Variants in DMD observed in about 807,000 individuals in gnomAD.
DMD encodes the protein mutant dystrophin.
Under a neutral mutation model 330.1 loss-of-function variants are expected in DMD, and 63 were observed. That is an observed-to-expected ratio of 0.19 (90% CI 0.16 to 0.24). DMD has a LOEUF of 0.24. DMD is among the 10% of genes least tolerant of loss of function. DMD has a pLI of 1.00. For missense variants in DMD, 3,344 were observed against 2,684.1 expected, an observed-to-expected ratio of 1.25 and a Z score of -5.43; for synonymous variants, 1,223 against 959.8, an observed-to-expected ratio of 1.27 and a Z score of -5.07.
At chrX:31,298,432 T>C (rs12008387) in intron 62 of DMD, among the ~76,000 whole-genome samples, 24 of 82,248 alleles carry the variant, frequency 2.9e-4, no homozygotes, top group Non-Finnish European at 4.0e-4. Flanking sequence ...CACACACACA[T>C]ACACACACAC....
intron 41 of DMD, among the ~76,000 whole-genome samples, chrX:32,339,785 A>G (rs1301435450): frequency 8.9e-6 from 1 of 112,282 alleles, no homozygotes; most frequent in Non-Finnish European, 1.9e-5. Context: ...ATGTTGCTGT[A>G]AAGACATGAA....
intron 60 of DMD, among the ~76,000 whole-genome samples, chrX:31,442,779 G>A (rs777690893): frequency 3.1e-4 from 34 of 111,379 alleles, no homozygotes; most frequent in Middle Eastern, 4.6e-3. Flanking sequence ...ACATACTAAG[G>A]ATGGAACAGA....
chrX:32,736,657 A>G (rs1330779493), intron 7 of DMD, among the ~76,000 whole-genome samples: 1 of 108,756 alleles, frequency 9.2e-6, no homozygotes, highest in Non-Finnish European at 1.9e-5. Flanking sequence ...TCAGTAAACT[A>G]TCGCAAGAAC....
chrX:32,686,663 A>G (rs1384260969), intron 9 of DMD, among the ~76,000 whole-genome samples: 1 of 110,421 alleles, frequency 9.1e-6, no homozygotes, highest in Non-Finnish European at 1.9e-5. Context: ...ATGATGTTAC[A>G]ACACTTTGAA....
chrX:32,841,166 T>C (rs977261417), intron 4 of DMD, among the ~76,000 whole-genome samples: 5 of 111,395 alleles, frequency 4.5e-5, no homozygotes, highest in African/African-American at 6.5e-5. Flanking sequence ...TTCTTAAATA[T>C]GATTCTTGAA....
rs781649499 is a variant in DMD, at chrX:32,915,390, C to T, written c.94-65570G>A. ...TTATCCTGATTTCTGAATTTTTAGG[C>T]GACCGCTTACATTTTGTGATTCAGA... On this transcript the variant is annotated intron_variant, in intron 2 of 78. Transcript: ENST00000357033. 4.5e-5 allele frequency among the ~76,000 whole-genome samples: 5 copies of T among 111,791 alleles called. No individual in the cohort carries two copies. In the East Asian group the frequency reaches 8.4e-4, roughly 19 times the overall value.
At chrX:32,047,927 T>C (rs771023227) in intron 44 of DMD, among the ~76,000 whole-genome samples, 22 of 108,696 alleles carry the variant, frequency 2.0e-4, no homozygotes, top group East Asian at 2.9e-4. Flanking sequence ...ATTGTTGGTA[T>C]CTTCACACTT....
intron 44 of DMD, among the ~76,000 whole-genome samples, chrX:32,132,328 CCAT>C (rs1215962314): frequency 2.7e-5 from 3 of 111,432 alleles, no homozygotes; most frequent in Non-Finnish European, 5.7e-5. Context: ...ATAAAACACT[CCAT>C]CAAATTTTAT....
rs12011301 is a variant in DMD, at chrX:33,057,864, T to C, written c.32-37664A>G. ...TAATATTCCACGGATATACCCAATT[T>C]TTGTTTTTTGTTTGTTTTTTGTTTT... On this transcript the variant is annotated intron_variant, in intron 1 of 78. Transcript: ENST00000357033. Among the ~76,000 whole-genome samples, 296 of 111,030 alleles carry C rather than the reference T, an allele frequency of 2.7e-3. 1 individual carries two copies. Among genetic ancestry groups the C allele is most frequent in the African/African-American group, 9.2e-3 (279 of 30,289 alleles).
chrX:33,042,399 T>C (rs2094316611), intron 1 of DMD, among the ~76,000 whole-genome samples: 1 of 112,365 alleles, frequency 8.9e-6, no homozygotes, highest in African/African-American at 3.2e-5. Flanking sequence ...GAGCAGATGA[T>C]TTCAGCCATT....
intron 2 of DMD, among the ~76,000 whole-genome samples, chrX:32,921,501 T>C (rs1029371021): frequency 3.6e-5 from 4 of 111,518 alleles, no homozygotes; most frequent in Non-Finnish European, 7.5e-5. Flanking sequence ...GAAATTGATG[T>C]TCTCATACCT....
intron 44 of DMD, among the ~76,000 whole-genome samples, chrX:32,126,384 AACAGCTATTTTCACGAC>A (rs1275389777): frequency 8.9e-6 from 1 of 111,927 alleles, no homozygotes; most frequent in Non-Finnish European, 1.9e-5. Flanking sequence ...AATAGATGTA[AACAGCTATTTTCACGAC>A]ACAAACACCC....
At chrX:32,156,965 C>T (rs2096832805) in intron 44 of DMD, among the ~76,000 whole-genome samples, 1 of 111,977 alleles carries the variant, frequency 8.9e-6, no homozygotes, top group South Asian at 3.7e-4. Context: ...CGCCTATTTA[C>T]AGGCACAGGT....
chrX:32,485,087 G>A lies in DMD; in HGVS notation c.2635C>T (p.Arg879Trp), dbSNP rs1603634614. The A allele has an allele frequency of 1.1e-5, 13 of 1,207,006 alleles. No homozygotes were observed. The highest frequency in any genetic ancestry group is 1.8e-5 in the South Asian group (1 of 56,726). Residue 879 changes from arginine to tryptophan, a missense_variant, in exon 21 of 79, where the codon CGG (arginine) becomes TGG (tryptophan). Coordinates refer to ENST00000357033, the MANE Select transcript of DMD (RefSeq NM_004006.3). ...ATTTGAGGTTGAAGATCTGATAGCC[G>A]GTTGACTTCATCCTGTGCCATAGAG... ...QLKICKDEVN[R>W]LSDLQPQIER...
At chrX:31,470,918 T>C (rs1161222189) in intron 59 of DMD, among the ~76,000 whole-genome samples, 5 of 112,036 alleles carry the variant, frequency 4.5e-5, no homozygotes, top group Non-Finnish European at 7.5e-5. Context: ...CTCCGCCCAG[T>C]TAGAACTTCT....
intron 2 of DMD, among the ~76,000 whole-genome samples, chrX:32,890,601 C>G (rs188608961): frequency 6.3e-5 from 7 of 111,297 alleles, no homozygotes; most frequent in African/African-American, 1.6e-4. Flanking sequence ...TGCTGAAAAA[C>G]AAGCAAACAA....
At chrX:32,536,287 A>AAAAC (rs1556769787) in intron 17 of DMD, among the ~76,000 whole-genome samples, 3 of 106,048 alleles carry the variant, frequency 2.8e-5, no homozygotes, top group African/African-American at 7.3e-5. Context: ...AAAAAAAAAA[A>AAAAC]ACACACAAAT....
At position 31,873,649 on chromosome X, in the gene DMD, G is replaced by A. The variant is rs188227159; in HGVS notation, c.7098+1539C>T. On this transcript the variant is annotated intron_variant, in intron 48 of 78. Transcript: ENST00000357033. ...TTCATTAATAGATTGTAATTTCAAC[G>A]ATTCGGTTTATTTGATTGGCTACTT... Among the ~76,000 whole-genome samples, 287 of 111,975 alleles carry A rather than the reference G, an allele frequency of 2.6e-3. 5 individuals carry two copies. Among genetic ancestry groups the A allele is most frequent in the Admixed American group, 0.023 (239 of 10,532 alleles).
Position 32,448,615 on chromosome X carries a change from T to C in DMD, c.3627A>G (p.Gln1209=), listed in dbSNP as rs769122414. The change falls in exon 27 of 79, where the codon CAA becomes CAG. Residue 1209 remains glutamine, a synonymous_variant. Transcript: ENST00000357033. ...TAAGGAGTTTCACTTTCGCTTCTTTTTGTTGGGCCTCTTCTTTAGCTCTCT... is the reference window on the plus strand; with the variant it reads ...TAAGGAGTTTCACTTTCGCTTCTTTCTGTTGGGCCTCTTCTTTAGCTCTCT... ...EMKRAKEEAQ[Q]KEAKVKLLTE... 1 of 1,207,468 alleles carries C rather than the reference T, an allele frequency of 8.3e-7. No individual in the cohort carries two copies. Among genetic ancestry groups the C allele is most frequent in the South Asian group, 1.8e-5 (1 of 56,632 alleles).
Sources: allele counts gnomAD v4.1 joint callset (sites outside exome capture counted in the v4.1 genomes callset), GRCh38; gene constraint gnomAD v4.1.1; transcripts MANE v1.5; gene names NCBI Gene and HGNC (gene_info 2026-07-23, HGNC 2026-07-21).